GIT2: variants seen among roughly 807,000 people sequenced by gnomAD.
The protein encoded by GIT2 is GIT ArfGAP 2, also known as ARF GTPase-activating protein GIT2.
A neutral mutation model predicts 100.3 loss-of-function variants in GIT2; 32 were observed. That is an observed-to-expected ratio of 0.32 (90% confidence interval 0.24 to 0.43). The LOEUF is 0.43. Ranked by LOEUF, GIT2 falls within the 20% of genes least tolerant of loss-of-function variation. GIT2 has a pLI of 1.00. For synonymous variants in GIT2, 353 were observed against 364.1 expected (o/e 0.97, Z 0.35); for missense variants, 737 against 975.1 (o/e 0.76, Z 3.25).
At chr12:109,952,832 A>T in intron 13 of GIT2, 1 of 541,842 alleles carries the variant, frequency 1.8e-6, no homozygotes, top group Non-Finnish European at 3.3e-6. Context: ...TCAGGAGAGT[A>T]ATATCCAGAG....
intron 3 of GIT2, 62 bp from the exon 4 acceptor site, chr12:109,989,130 G>T: frequency 8.9e-6 from 9 of 1,007,652 alleles, no homozygotes; most frequent in Non-Finnish European, 1.4e-5. Flanking sequence ...CCCATTCTTT[G>T]TACTGTAAAA....
At chr12:109,959,744 G>A in intron 12 of GIT2, 103 bp downstream of exon 12, 8 of 710,220 alleles carry the variant, frequency 1.1e-5, no homozygotes, top group Non-Finnish European at 2.0e-5. Flanking sequence ...AAAACCTATA[G>A]AACTGTCATG....
intron 1 of GIT2, among the ~76,000 whole-genome samples, chr12:109,995,679 G>C (rs763098137): frequency 2.6e-5 from 4 of 152,220 alleles, no homozygotes; most frequent in Non-Finnish European, 4.4e-5. Flanking sequence ...CTCCCGGGCA[G>C]AGTAGCTGTC....
At chr12:109,980,562 C>A (rs1043222555) in intron 7 of GIT2, among the ~76,000 whole-genome samples, 2 of 152,092 alleles carry the variant, frequency 1.3e-5, no homozygotes, top group African/African-American at 4.8e-5. Context: ...TTGGCTTTGG[C>A]AAAGTTTACT....
At chr12:109,966,473 C>T (rs1354204808) in intron 8 of GIT2, among the ~76,000 whole-genome samples, 2 of 136,332 alleles carry the variant, frequency 1.5e-5, no homozygotes, top group Non-Finnish European at 3.1e-5. Flanking sequence ...TGCACCATTG[C>T]ACTCCAGTCT....
Position 109,932,735 on chromosome 12 carries a change from G to A in GIT2, c.*243C>T, listed in dbSNP as rs1167834916. 4.3e-6 allele frequency: 2 copies of A among 469,530 alleles called. No homozygotes were observed. The highest frequency in any genetic ancestry group is 7.7e-6 in the Non-Finnish European group (2 of 258,962). 29.1% of individuals were successfully genotyped at this position (469,530 alleles called of 1,614,324 possible). On this transcript the variant is annotated 3_prime_UTR_variant, in exon 20 of 20. Coordinates refer to ENST00000355312, the MANE Select transcript of GIT2 (RefSeq NM_057169.5). The stretch of plus-strand genomic sequence containing the variant: ...TTGGATGTATGTGATCAACTCAACA[G>A]TTGTTGACAACACAACCGAACATCA...
At chr12:109,939,787 G>A (rs983573446) in intron 16 of GIT2, 1 of 152,168 alleles carries the variant, frequency 6.6e-6, no homozygotes, top group African/African-American at 2.4e-5. Flanking sequence ...GCTGAGGGAG[G>A]ACTGCTTGAG....
chr12:109,959,992 A>C (rs1880619369), intron 11 of GIT2, 34 bp from the exon 12 acceptor site: 2 of 1,413,326 alleles, frequency 1.4e-6, no homozygotes, highest in Non-Finnish European at 2.0e-6. Context: ...AATATTTCCC[A>C]GTGTAAAAAT....
intron 11 of GIT2, 64 bp downstream of exon 11, chr12:109,961,214 G>GA: frequency 1.1e-6 from 1 of 918,956 alleles, no homozygotes; most frequent in South Asian, 1.3e-5. Context: ...GTTTTCCTGG[G>GA]AAAAATGAAA....
intron 11 of GIT2, among the ~76,000 whole-genome samples, chr12:109,960,166 A>G (rs1377640837): frequency 6.6e-6 from 1 of 152,226 alleles, no homozygotes; most frequent in Admixed American, 6.5e-5. Context: ...AGAGAATTTC[A>G]TAACAAATGT....
intron 18 of GIT2, 54 bp downstream of exon 18, chr12:109,938,325 CT>C: frequency 7.6e-7 from 1 of 1,324,138 alleles, no homozygotes. Flanking sequence ...GGCATCATCC[CT>C]TTCTGGGCGC....
chr12:109,943,625 C>G (rs1875404833), intron 16 of GIT2, among the ~76,000 whole-genome samples: 1 of 151,952 alleles, frequency 6.6e-6, no homozygotes, highest in South Asian at 2.1e-4. Flanking sequence ...TGAGCCACTG[C>G]ACCCAGCCGA....
chr12:109,940,917 G>GAA (rs369131328), intron 16 of GIT2, among the ~76,000 whole-genome samples: 3 of 112,928 alleles, frequency 2.7e-5, no homozygotes, highest in Non-Finnish European at 3.8e-5. Context: ...AAACCAAAAA[G>GAA]AAAAAAAAAA....
intron 4 of GIT2, among the ~76,000 whole-genome samples, chr12:109,985,587 T>C (rs929813024): frequency 6.6e-6 from 1 of 151,978 alleles, no homozygotes. Flanking sequence ...CGGTGGCTCA[T>C]GCCTGTAATC....
chr12:109,987,704 G>C (rs1309003665), intron 4 of GIT2, among the ~76,000 whole-genome samples: 1 of 152,120 alleles, frequency 6.6e-6, no homozygotes, highest in East Asian at 1.9e-4. Flanking sequence ...CTGAGCCCAA[G>C]TGATCTGCCA....
Position 109,947,428 on chromosome 12 carries a change from G to A in GIT2, c.1469C>T (p.Ser490Phe). 1 of 1,613,894 alleles carries A rather than the reference G, an allele frequency of 6.2e-7. No individual in the cohort carries two copies. Among genetic ancestry groups the A allele is most frequent in the Non-Finnish European group, 8.5e-7 (1 of 1,179,740 alleles). Residue 490 changes from serine (S) to phenylalanine (F), a missense_variant, in exon 15 of 20, where the codon TCT becomes TTT. By Grantham distance (155) the Ser-to-Phe change is radical (BLOSUM62 -2). This residue lies in a region of GIT2 where 451 missense variants were observed against 543.7 expected (regional missense o/e 0.83). Transcript: ENST00000355312. The surrounding 1 kb of genome is among the most constrained non-coding windows in gnomAD (Gnocchi z 4.3). ...TTNVYQVQTGSEYTDTSNHSS... is the reference protein window; with the variant it reads ...TTNVYQVQTGFEYTDTSNHSS... ...GTGGTTGGAAGTGTCTGTGTACTCA[G>A]AACCAGTTTGCACCTGATATACATT...
At chr12:109,940,642 G>A (rs1396327705) in intron 16 of GIT2, 2 of 152,250 alleles carry the variant, frequency 1.3e-5, no homozygotes, top group East Asian at 3.9e-4. Flanking sequence ...CATGTTGGGA[G>A]GCAGAGGTGG....
intron 9 of GIT2, among the ~76,000 whole-genome samples, chr12:109,964,746 AG>A (rs1006402938): frequency 2.2e-4 from 33 of 152,106 alleles, no homozygotes; most frequent in Admixed American, 2.1e-3. Context: ...GGTTACAAAA[AG>A]AAGTTAAGAA....
chr12:109,976,336 G>A (rs1885048809), intron 7 of GIT2, among the ~76,000 whole-genome samples: 1 of 146,260 alleles, frequency 6.8e-6, no homozygotes, highest in Non-Finnish European at 1.5e-5. Context: ...CCAGGTTGGA[G>A]TGCAGTGGTG....
Sources: allele counts gnomAD v4.1 joint callset (sites outside exome capture counted in the v4.1 genomes callset), GRCh38; gene constraint gnomAD v4.1.1; regional missense constraint gnomAD v4.1.1; non-coding constraint Gnocchi (gnomAD v3.1); transcripts MANE v1.5; gene names NCBI Gene and HGNC (gene_info 2026-07-23, HGNC 2026-07-21).